The following GALNT13 variants were observed in gnomAD, a reference collection of about 807,000 sequenced individuals.
GALNT13 encodes polypeptide N-acetylgalactosaminyltransferase 13, also known as UDP-GalNAc:polypeptide N-acetylgalactosaminyltransferase 13.
Under a neutral mutation model 64.2 loss-of-function variants are expected in GALNT13, and 28 were observed. The ratio of observed to expected loss-of-function variants is 0.44; its 90% CI spans 0.32 to 0.60. The LOEUF (loss-of-function observed/expected upper bound fraction) is 0.60. Among genes scored for constraint, GALNT13 ranks in the 20% least tolerant of loss-of-function variants. The pLI is 0.05. For synonymous variants in GALNT13, 214 were observed against 224.6 expected (o/e 0.95, Z 0.42); for missense variants, 577 against 669.8 (o/e 0.86, Z 1.53).
At chr2:153,618,800 G>A in the GALNT13 span, among the ~76,000 whole-genome samples, 1 of 151,582 alleles carries the variant, frequency 6.6e-6, no homozygotes. Context: ...TATGGTTTTT[G>A]TCTTGAAACC....
At chr2:153,322,799 G>C in the GALNT13 span, among the ~76,000 whole-genome samples, 1 of 151,860 alleles carries the variant, frequency 6.6e-6, no homozygotes, top group African/African-American at 2.4e-5. Context: ...ATGGTTTCCA[G>C]CTTCTATGTT....
chr2:153,178,139 G>C, the GALNT13 span, among the ~76,000 whole-genome samples: 1 of 152,124 alleles, frequency 6.6e-6, no homozygotes, highest in South Asian at 2.1e-4. Context: ...CCATAACTTG[G>C]CTATTGTGAA....
Position 153,993,926 on chromosome 2 carries a change from A to C in GALNT13, c.142+49287A>C, listed in dbSNP as rs369736770. On this transcript the variant is annotated intron_variant, in intron 3 of 12. Coordinates refer to ENST00000392825, the MANE Select transcript of GALNT13 (RefSeq NM_052917.4). ...ACTTAATTGTTTTCTTTTTTTTGTT[A>C]TTATTATACTTTAAGTTCTAGAGTA... Among the ~76,000 whole-genome samples, 23 of 151,464 alleles carry C rather than the reference A, an allele frequency of 1.5e-4. 1 individual carries two copies. The South Asian group carries it at 4.8e-3, about 32-fold the overall frequency.
At chr2:154,108,192 T>A (rs1191775564) in intron 3 of GALNT13, among the ~76,000 whole-genome samples, 1 of 151,976 alleles carries the variant, frequency 6.6e-6, no homozygotes, top group Non-Finnish European at 1.5e-5. Context: ...CTGTAAAGTT[T>A]TCCATAATAG....
chr2:153,085,986 C>T, the GALNT13 span, among the ~76,000 whole-genome samples: 1 of 152,200 alleles, frequency 6.6e-6, no homozygotes, highest in Non-Finnish European at 1.5e-5. Flanking sequence ...CATCAGCATG[C>T]CCTAAATGTG....
chr2:153,109,122 C>A, the GALNT13 span, among the ~76,000 whole-genome samples: 2 of 152,118 alleles, frequency 1.3e-5, no homozygotes, highest in African/African-American at 4.8e-5. Flanking sequence ...ATCTCTTGTT[C>A]TGTTTTAGTA....
the GALNT13 span, among the ~76,000 whole-genome samples, chr2:153,586,756 T>G: frequency 4.6e-4 from 70 of 151,972 alleles, no homozygotes; most frequent in Non-Finnish European, 1.2e-4. Flanking sequence ...GCATGAAATA[T>G]TCCTTAAGAC....
At chr2:154,280,254 T>A (rs1311726445) in intron 8 of GALNT13, among the ~76,000 whole-genome samples, 2 of 152,176 alleles carry the variant, frequency 1.3e-5, no homozygotes, top group East Asian at 3.8e-4. Context: ...AACTTTAATA[T>A]GCCCAGTTTT....
intron 9 of GALNT13, among the ~76,000 whole-genome samples, chr2:154,385,775 T>C (rs1698485416): frequency 6.6e-6 from 1 of 151,984 alleles, no homozygotes; most frequent in Non-Finnish European, 1.5e-5. Flanking sequence ...CCTCTTTCAA[T>C]AATGGTCCAA....
chr2:153,576,488 C>T, the GALNT13 span, among the ~76,000 whole-genome samples: 4 of 152,132 alleles, frequency 2.6e-5, no homozygotes, highest in Non-Finnish European at 2.9e-5. Context: ...CCTCCATGGG[C>T]GGTTGTTAGG....
chr2:153,583,828 G>C, the GALNT13 span, among the ~76,000 whole-genome samples: 1 of 152,306 alleles, frequency 6.6e-6, no homozygotes, highest in Admixed American at 6.5e-5. Flanking sequence ...CACTTGAAAA[G>C]GTGTGGGCTC....
At chr2:153,899,954 G>A (rs1351709865) in intron 1 of GALNT13, among the ~76,000 whole-genome samples, 2 of 46,088 alleles carry the variant, frequency 4.3e-5, no homozygotes, top group East Asian at 7.6e-4. Context: ...TTTTTTTTTT[G>A]AGATGGAGTC....
At chr2:153,908,894 A>G (rs1221202508) in intron 2 of GALNT13, among the ~76,000 whole-genome samples, 1 of 152,092 alleles carries the variant, frequency 6.6e-6, no homozygotes, top group Non-Finnish European at 1.5e-5. Flanking sequence ...TTGGTTCCAT[A>G]TGAATTTTAA....
intron 3 of GALNT13, among the ~76,000 whole-genome samples, chr2:154,008,275 C>T (rs1266835048): frequency 6.6e-6 from 1 of 152,026 alleles, no homozygotes; most frequent in South Asian, 2.1e-4. Context: ...CTTATTATTT[C>T]GATTCATATC....
intron 11 of GALNT13, among the ~76,000 whole-genome samples, chr2:154,418,355 T>G (rs799760): frequency 0.99 from 150,994 of 152,218 alleles, 74,903 homozygotes; most frequent in Middle Eastern, 1. Flanking sequence ...TGGCAAAAAA[T>G]ATTTTGTAGA....
At chr2:153,193,132 A>G in the GALNT13 span, among the ~76,000 whole-genome samples, 1 of 152,064 alleles carries the variant, frequency 6.6e-6, no homozygotes, top group Non-Finnish European at 1.5e-5. Context: ...TCATGCTGCT[A>G]TAAAGACACA....
chr2:153,857,603 C>T, the GALNT13 span, among the ~76,000 whole-genome samples: 7 of 152,168 alleles, frequency 4.6e-5, no homozygotes, highest in East Asian at 1.9e-4. Flanking sequence ...AGAGGTCAGA[C>T]GAGTTATAGA....
chr2:153,792,970 C>CTTT, the GALNT13 span, among the ~76,000 whole-genome samples: 20 of 132,244 alleles, frequency 1.5e-4, no homozygotes, highest in African/African-American at 1.6e-4. Flanking sequence ...TTCTTTCTTT[C>CTTT]TTTTTTTTTT....
At chr2:154,233,793 C>T (rs1278887131) in intron 4 of GALNT13, among the ~76,000 whole-genome samples, 1 of 151,942 alleles carries the variant, frequency 6.6e-6, no homozygotes, top group African/African-American at 2.4e-5. Flanking sequence ...AGAAAGTGGT[C>T]GGGGACGGTC....
Sources: gnomAD v4.1 joint callset for allele counts (sites outside exome capture counted in the v4.1 genomes callset) on GRCh38, gnomAD v4.1.1 for gene constraint, MANE v1.5 for transcripts, NCBI Gene and HGNC (gene_info 2026-07-23, HGNC 2026-07-21) for gene names.